NCK2: variants seen among roughly 807,000 people sequenced by gnomAD.
NCK2 encodes cytoplasmic protein NCK2.
In NCK2, 16 loss-of-function variants were observed where a neutral mutation model predicts 33.9. That is an observed-to-expected ratio of 0.47 (90% confidence interval 0.32 to 0.72). The LOEUF (loss-of-function observed/expected upper bound fraction) is 0.72. Among genes scored for constraint, NCK2 ranks in the 30% least tolerant of loss-of-function variants. NCK2 has a pLI of 0.03. For missense variants in NCK2, 418 were observed against 537.3 expected (o/e 0.78, Z 2.19); for synonymous variants, 273 against 239.9 (o/e 1.14, Z -1.27).
intron 4 of NCK2, among the ~76,000 whole-genome samples, chr2:105,885,205 G>A (rs1382381287): frequency 3.3e-5 from 5 of 152,198 alleles, no homozygotes; most frequent in African/African-American, 1.2e-4. Flanking sequence ...GCAAGTGCGG[G>A]AGGCCATTTT....
intron 1 of NCK2, among the ~76,000 whole-genome samples, chr2:105,771,464 G>C (rs2104381355): frequency 6.6e-6 from 1 of 152,114 alleles, no homozygotes; most frequent in African/African-American, 2.4e-5. Flanking sequence ...TACTTGGGAG[G>C]CTGAGTCAGG....
intron 2 of NCK2, among the ~76,000 whole-genome samples, chr2:105,844,395 A>G (rs1464530759): frequency 1.3e-5 from 2 of 152,096 alleles, no homozygotes; most frequent in Non-Finnish European, 2.9e-5. Flanking sequence ...TACTAATGTA[A>G]TATGTTAATA....
chr2:105,881,420 G>A lies in NCK2; in HGVS notation c.319G>A (p.Asp107Asn). 1 of 1,612,974 alleles carries A rather than the reference G, an allele frequency of 6.2e-7. No individual in the cohort carries two copies. The highest frequency in any genetic ancestry group is 1.1e-5 in the South Asian group (1 of 91,082). Reference protein sequence around the residue: ...AEYPANGSGADRIYDLNIPAF... With the variant: ...AEYPANGSGANRIYDLNIPAF... ...GTACCCCGCCAATGGCAGCGGCGCC[G>A]ACCGCATCTACGACCTCAACATCCC... The change falls in exon 4 of 5, where the codon GAC becomes AAC. Residue 107 changes from aspartate to asparagine, a missense_variant. Physicochemically the swap from Asp to Asn is conservative, Grantham distance 23. Transcript: ENST00000233154.
intron 1 of NCK2, among the ~76,000 whole-genome samples, chr2:105,792,838 C>T (rs1437729075): frequency 6.6e-6 from 1 of 152,174 alleles, no homozygotes; most frequent in African/African-American, 2.4e-5. Flanking sequence ...CCGTGGCCTC[C>T]ACCTGTAATG....
chr2:105,756,257 T>C (rs1455599753), intron 1 of NCK2, among the ~76,000 whole-genome samples: 1 of 152,262 alleles, frequency 6.6e-6, no homozygotes, highest in Non-Finnish European at 1.5e-5. Flanking sequence ...TCTCTTCCTG[T>C]GCTGTTTCTA....
chr2:105,884,223 C>G (rs1678624705), intron 4 of NCK2, among the ~76,000 whole-genome samples: 1 of 144,408 alleles, frequency 6.9e-6, no homozygotes, highest in Non-Finnish European at 1.6e-5. Flanking sequence ...TGGACAAGTC[C>G]TTTGCTTGTT....
intron 1 of NCK2, among the ~76,000 whole-genome samples, chr2:105,761,610 G>T (rs148335434): frequency 0.019 from 2,861 of 152,268 alleles, 50 homozygotes; most frequent in Non-Finnish European, 0.022. Context: ...GCTCATAGTG[G>T]CTCATGCCTG....
chr2:105,840,084 G>A (rs1676582576), intron 2 of NCK2, among the ~76,000 whole-genome samples: 1 of 152,184 alleles, frequency 6.6e-6, no homozygotes, highest in Non-Finnish European at 1.5e-5. Context: ...ATGGCAAGAG[G>A]AGACAGCTTC....
chr2:105,874,609 C>T (rs1212473703), intron 3 of NCK2, among the ~76,000 whole-genome samples: 4 of 152,208 alleles, frequency 2.6e-5, no homozygotes, highest in Non-Finnish European at 5.9e-5. Flanking sequence ...CGCGTCTAAA[C>T]GAATTGGCTT....
intron 3 of NCK2, among the ~76,000 whole-genome samples, chr2:105,873,305 G>C (rs1351223747): frequency 1.3e-5 from 2 of 152,108 alleles, no homozygotes; most frequent in Non-Finnish European, 2.9e-5. Flanking sequence ...AATTCATGTG[G>C]GCCCACCCTA....
intron 3 of NCK2, among the ~76,000 whole-genome samples, chr2:105,879,323 G>C (rs574146664): frequency 6.6e-6 from 1 of 152,176 alleles, no homozygotes; most frequent in Admixed American, 6.5e-5. Flanking sequence ...GTTGAGCTTC[G>C]GGCACCACTG....
chr2:105,854,710 T>C (rs1677191500), intron 2 of NCK2: 1 of 218,810 alleles, frequency 4.6e-6, no homozygotes. Context: ...AGTGTCAACC[T>C]AACAGTTATC....
chr2:105,891,193 C>T (rs1389264015), intron 4 of NCK2, among the ~76,000 whole-genome samples: 1 of 152,220 alleles, frequency 6.6e-6, no homozygotes, highest in African/African-American at 2.4e-5. Flanking sequence ...CTCCCTCTCA[C>T]ATCTGCGCAC....
At chr2:105,875,387 T>TAC (rs1465087165) in intron 3 of NCK2, among the ~76,000 whole-genome samples, 1 of 152,208 alleles carries the variant, frequency 6.6e-6, no homozygotes, top group Non-Finnish European at 1.5e-5. Context: ...CCCTGGGCTG[T>TAC]ACACACATGG....
intron 1 of NCK2, among the ~76,000 whole-genome samples, chr2:105,754,093 G>A (rs909933007): frequency 3.3e-5 from 5 of 152,208 alleles, no homozygotes; most frequent in Non-Finnish European, 7.3e-5. Flanking sequence ...TGAGTCTGGC[G>A]TCTCTGTTGG....
At chr2:105,795,270 AAC>A (rs1296533632) in intron 1 of NCK2, among the ~76,000 whole-genome samples, 1 of 152,006 alleles carries the variant, frequency 6.6e-6, no homozygotes, top group African/African-American at 2.4e-5. Context: ...AATGTGAGCA[AAC>A]ACATATGTGT....
intron 1 of NCK2, among the ~76,000 whole-genome samples, chr2:105,782,422 T>C (rs1401200023): frequency 6.6e-6 from 1 of 152,218 alleles, no homozygotes; most frequent in African/African-American, 2.4e-5. Flanking sequence ...GATGGCCATT[T>C]GAGGACTTGA....
At chr2:105,869,643 G>A (rs1021880506) in intron 3 of NCK2, among the ~76,000 whole-genome samples, 2 of 152,180 alleles carry the variant, frequency 1.3e-5, no homozygotes, top group Admixed American at 6.5e-5. Flanking sequence ...TGGTCCTGCA[G>A]AACAGCAGGC....
rs1676478693 is a variant in NCK2, at chr2:105,837,558, G to T, written c.-16-17490G>T. ...TTCTTTAACTGTCATAAGCAGTACTGCCCTGAGCACTGTGCATGTCCCTGA... is the reference window on the plus strand; with the variant it reads ...TTCTTTAACTGTCATAAGCAGTACTTCCCTGAGCACTGTGCATGTCCCTGA... On this transcript the variant is annotated intron_variant, in intron 2 of 4. Transcript: ENST00000233154. Among the ~76,000 whole-genome samples the T allele has an allele frequency of 1.3e-5, 2 of 152,074 alleles. 1 individual carries two copies. The highest frequency in any genetic ancestry group is 4.2e-4 in the South Asian group (2 of 4,818).
Sources: gnomAD v4.1 joint callset for allele counts (sites outside exome capture counted in the v4.1 genomes callset) on GRCh38, gnomAD v4.1.1 for gene constraint, MANE v1.5 for transcripts, NCBI Gene and HGNC (gene_info 2026-07-23, HGNC 2026-07-21) for gene names.